Variants in RCOR1 observed in about 807,000 individuals in gnomAD.
RCOR1 encodes REST corepressor 1.
A neutral mutation model predicts 64.0 loss-of-function variants in RCOR1; 12 were observed. The ratio of observed to expected loss-of-function variants is 0.19; its 90% CI spans 0.12 to 0.30. The LOEUF (loss-of-function observed/expected upper bound fraction) is 0.30. Ranked by LOEUF, RCOR1 falls within the 10% of genes least tolerant of loss-of-function variation. RCOR1 has a pLI of 1.00. For missense variants in RCOR1, 502 were observed against 621.2 expected, an observed-to-expected ratio of 0.81 and a Z score of 2.04; for synonymous variants, 279 against 227.2, an observed-to-expected ratio of 1.23 and a Z score of -2.05.
At chr14:102,683,676 G>A (rs1372127144) in intron 3 of RCOR1, among the ~76,000 whole-genome samples, 4 of 152,232 alleles carry the variant, frequency 2.6e-5, no homozygotes, top group South Asian at 2.1e-4. Context: ...TGTTCCGTGC[G>A]CGAATGTGGC....
chr14:102,688,380 A>G (rs1410450606), intron 3 of RCOR1, among the ~76,000 whole-genome samples: 1 of 152,206 alleles, frequency 6.6e-6, no homozygotes, highest in Non-Finnish European at 1.5e-5. Context: ...TGAAACTAGA[A>G]AGGCAGGCCA....
chr14:102,639,500 T>TATTTATTG (rs1894318843), intron 2 of RCOR1, among the ~76,000 whole-genome samples: 1 of 23,972 alleles, frequency 4.2e-5, no homozygotes, highest in African/African-American at 2.1e-4. Flanking sequence ...TTTTAATTTT[T>TATTTATTG]ATTTATTTAT....
chr14:102,638,711 A>G (rs1282287872), intron 2 of RCOR1, among the ~76,000 whole-genome samples: 1 of 151,662 alleles, frequency 6.6e-6, no homozygotes, highest in Non-Finnish European at 1.5e-5. Context: ...TATGTTGTCC[A>G]GGCTGGAGTG....
At chr14:102,712,663 CTT>C (rs80063348) in intron 7 of RCOR1, among the ~76,000 whole-genome samples, 17 of 109,292 alleles carry the variant, frequency 1.6e-4, no homozygotes, top group Non-Finnish European at 2.7e-4. Flanking sequence ...ATTGTTAAGG[CTT>C]TTTTTTTTTT....
chr14:102,662,248 C>A lies in RCOR1; in HGVS notation c.362-19647C>A, dbSNP rs538361199. Reference sequence around the variant, plus strand: ...AGCCAGCTGGACTCAGTTTAGATGACCCCAATTTTGTTGGCAACATCCAAA... The same window carrying A: ...AGCCAGCTGGACTCAGTTTAGATGAACCCAATTTTGTTGGCAACATCCAAA... On this transcript the variant is annotated intron_variant, in intron 2 of 11. Coordinates refer to ENST00000262241, the MANE Select transcript of RCOR1 (RefSeq NM_015156.4). The A allele has an allele frequency of 1.3e-5, 7 of 524,822 alleles. No individual in the cohort carries two copies. The East Asian group carries it at 3.6e-4, about 27-fold the overall frequency. 32.5% of individuals were successfully genotyped at this position (524,822 alleles called of 1,614,324 possible). A position where few individuals can be genotyped will look rare whatever the true frequency, so the allele number is the denominator to read the frequency against.
Position 102,726,512 on chromosome 14 carries a change from T to C in RCOR1, c.*6T>C. On this transcript the variant is annotated 3_prime_UTR_variant, in exon 12 of 12. Transcript: ENST00000262241. ...GATATGCATCTGCCTCCTGAGAAAC[T>C]GGTGGCTTTGAACACTTGGTGTGGA... The C allele has an allele frequency of 6.2e-7, 1 of 1,605,092 alleles. No individual in the cohort carries two copies. Among genetic ancestry groups the C allele is most frequent in the Non-Finnish European group, 8.5e-7 (1 of 1,177,490 alleles).
rs190897471 is a variant in RCOR1 at position 102,683,623 on chromosome 14, C to T, written c.445+1645C>T. 7.2e-5 allele frequency among the ~76,000 whole-genome samples: 11 copies of T among 152,344 alleles called. No homozygotes were observed. In the East Asian group the frequency reaches 7.7e-4, roughly 11 times the overall value. On this transcript the variant is annotated intron_variant, in intron 3 of 11. Transcript: ENST00000262241. ...AATGTGGGCAACTTCTCTTGGGAAT[C>T]GGAGGATGCTTTGGGCCAAGCTCTC... is the stretch of plus-strand genomic sequence containing the variant.
intron 2 of RCOR1, among the ~76,000 whole-genome samples, chr14:102,607,912 C>A (rs1017768963): frequency 7.2e-5 from 11 of 151,992 alleles, no homozygotes; most frequent in Non-Finnish European, 5.9e-5. Flanking sequence ...AAAAATTAGC[C>A]AGGTGTGGCG....
chr14:102,644,003 T>C (rs1470193882), intron 2 of RCOR1, among the ~76,000 whole-genome samples: 3 of 152,228 alleles, frequency 2.0e-5, no homozygotes, highest in Admixed American at 6.5e-5. Flanking sequence ...ACAATCGTTT[T>C]ATTATCTCAC....
At chr14:102,633,289 C>T (rs1894165995) in intron 2 of RCOR1, among the ~76,000 whole-genome samples, 1 of 152,106 alleles carries the variant, frequency 6.6e-6, no homozygotes, top group South Asian at 2.1e-4. Flanking sequence ...AAGGCTTTCA[C>T]AGTTCATATG....
intron 3 of RCOR1, among the ~76,000 whole-genome samples, chr14:102,692,588 A>G (rs1320031747): frequency 6.6e-6 from 1 of 152,136 alleles, no homozygotes; most frequent in Non-Finnish European, 1.5e-5. Flanking sequence ...GATTTTAAGC[A>G]CAAATGGTTA....
At chr14:102,595,326 ACT>A (rs896719301) in intron 2 of RCOR1, among the ~76,000 whole-genome samples, 8 of 151,908 alleles carry the variant, frequency 5.3e-5, no homozygotes, top group African/African-American at 1.9e-4. Flanking sequence ...ATGTAGTCAG[ACT>A]CTGTCTCAAC....
At chr14:102,637,301 A>G (rs1341092680) in intron 2 of RCOR1, among the ~76,000 whole-genome samples, 5 of 151,182 alleles carry the variant, frequency 3.3e-5, no homozygotes, top group African/African-American at 1.2e-4. Flanking sequence ...TAATTTTTGT[A>G]TTTTTAGTAG....
At chr14:102,676,725 G>A (rs1288025014) in intron 2 of RCOR1, among the ~76,000 whole-genome samples, 2 of 111,810 alleles carry the variant, frequency 1.8e-5, no homozygotes, top group African/African-American at 3.7e-5. Flanking sequence ...TGGCCGGGCG[G>A]GGGGCTGACC....
At position 102,679,649 on chromosome 14, in the gene RCOR1, T is replaced by G. The variant is rs180930994; in HGVS notation, c.362-2246T>G. 3.1e-3 allele frequency among the ~76,000 whole-genome samples: 471 copies of G among 152,298 alleles called. 2 individuals are homozygous for G. The highest frequency in any genetic ancestry group is 6.1e-3 in the Admixed American group (94 of 15,306). ...GCCCGCCACCACGCCCGGCTAATTTTTTGTATTTTTAGTATAGACGGGGTT... is the reference window on the plus strand; with the variant it reads ...GCCCGCCACCACGCCCGGCTAATTTGTTGTATTTTTAGTATAGACGGGGTT... On this transcript the variant is annotated intron_variant, in intron 2 of 11. Transcript: ENST00000262241.
chr14:102,657,079 A>G (rs1766021377), intron 2 of RCOR1: 1 of 984,286 alleles, frequency 1.0e-6, no homozygotes, highest in Non-Finnish European at 1.2e-6. Context: ...CTGGCTAGAA[A>G]CATCTTCTAA....
At chr14:102,630,015 T>C (rs9324049) in intron 2 of RCOR1, 658,226 of 968,778 alleles carry the variant, frequency 0.68, 226,374 homozygotes, top group Middle Eastern at 0.72. Context: ...GTGGGGAGTC[T>C]TGGGCAGATT....
chr14:102,708,913 G>A (rs1895908709), intron 6 of RCOR1, among the ~76,000 whole-genome samples: 1 of 152,090 alleles, frequency 6.6e-6, no homozygotes, highest in Non-Finnish European at 1.5e-5. Context: ...GATTCATTTG[G>A]TGTGTTTTTA....
At chr14:102,681,825 G>T (rs1056172625) in intron 2 of RCOR1, 70 bp from the exon 3 acceptor site, 2 of 1,095,896 alleles carry the variant, frequency 1.8e-6, no homozygotes, top group Non-Finnish European at 2.7e-6. Context: ...GTCATTAAAA[G>T]GTATTGTTAC....
Sources: allele counts gnomAD v4.1 joint callset (sites outside exome capture counted in the v4.1 genomes callset), GRCh38; gene constraint gnomAD v4.1.1; transcripts MANE v1.5; gene names NCBI Gene and HGNC (gene_info 2026-07-23, HGNC 2026-07-21).